SYNE1: variants seen among roughly 807,000 people sequenced by gnomAD.
SYNE1 encodes nesprin-1.
In SYNE1, 616 loss-of-function variants were observed where a neutral mutation model predicts 1,111.0. The ratio of observed to expected loss-of-function variants is 0.55; its 90% CI spans 0.52 to 0.59. The LOEUF (loss-of-function observed/expected upper bound fraction) is 0.59. Among genes scored for constraint, SYNE1 ranks in the 20% least tolerant of loss-of-function variants. SYNE1 has a pLI of 0.00. For missense variants in SYNE1, 10,006 were observed against 10,417.0 expected (o/e 0.96, Z 1.72); for synonymous variants, 3,855 against 3,825.8 (o/e 1.01, Z -0.28).
At position 152,412,322 on chromosome 6, in the gene SYNE1, G is replaced by A. The variant is rs562407145; in HGVS notation, c.6230+1030C>T. Among the ~76,000 whole-genome samples the A allele has an allele frequency of 5.3e-5, 8 of 152,106 alleles. 1 individual carries two copies. In the South Asian group the frequency reaches 1.7e-3, roughly 32 times the overall value. ...ACCTGCTATCCCAGCTACTCGGGAG[G>A]CTGAGGCAGGAGAATGGCGTGAACC... On this transcript the variant is annotated intron_variant, in intron 42 of 145. Coordinates refer to ENST00000367255, the MANE Select transcript of SYNE1 (RefSeq NM_182961.4).
At chr6:152,588,317 A>G (rs2099547005) in intron 3 of SYNE1, among the ~76,000 whole-genome samples, 1 of 152,244 alleles carries the variant, frequency 6.6e-6, no homozygotes, top group Non-Finnish European at 1.5e-5. Flanking sequence ...TATCTTATAT[A>G]ATCTGTGCCT....
At position 152,391,295 on chromosome 6, in the gene SYNE1, T is replaced by C; in HGVS notation, c.7986A>G (p.Lys2662=). The change falls in exon 52 of 146, where the codon AAA becomes AAG. Residue 2662 remains lysine (K), a synonymous_variant. Transcript: ENST00000367255. ...STLGSKDTLE[K]RLSQIQDILL... ...CATGTACCTGTATTTGTGACAGCCG[T>C]TTCTCCAGGGTGTCTTTGCTCCCAA... 3 of 1,613,986 alleles carry C rather than the reference T, an allele frequency of 1.9e-6. No homozygotes were observed. Among genetic ancestry groups the C allele is most frequent in the Non-Finnish European group, 1.7e-6 (2 of 1,179,966 alleles).
At position 152,637,334 on chromosome 6, in the gene SYNE1, T is replaced by A. The variant is rs1304484798; in HGVS notation, c.-537A>T. The stretch of plus-strand genomic sequence containing the variant: ...TCCCTGAGAGCCGGGACGCGCTGCC[T>A]CCGCTGCCTGGAGGAGCTGCGCTGT... On this transcript the variant is annotated 5_prime_UTR_variant, in exon 1 of 146. Transcript: ENST00000367255. The A allele has an allele frequency of 6.6e-6, 1 of 152,324 alleles. No individual in the cohort carries two copies. Among genetic ancestry groups the A allele is most frequent in the Non-Finnish European group, 1.5e-5 (1 of 68,108 alleles). The allele number at this position is 152,324 out of a possible 1,614,324, so 9.4% of individuals were successfully genotyped here. A position where few individuals can be genotyped will look rare whatever the true frequency, so the allele number is the denominator to read the frequency against.
chr6:152,262,078 T>A lies in SYNE1; in HGVS notation c.18926A>T (p.Lys6309Met), dbSNP rs1057291426. The A allele has an allele frequency of 6.2e-7, 1 of 1,613,940 alleles. No homozygotes were observed. The highest frequency in any genetic ancestry group is 8.5e-7 in the Non-Finnish European group (1 of 1,179,970). The change falls in exon 101 of 146, where the codon AAG (lysine) becomes ATG (methionine). Residue 6309 changes from lysine (K) to methionine (M), a missense_variant. By Grantham distance (95) the Lys-to-Met change is moderately conservative (BLOSUM62 -1). Transcript: ENST00000367255. Reference protein sequence around the residue: ...WESLHQEFSTKQKLLQNVLEQ... With the variant: ...WESLHQEFSTMQKLLQNVLEQ... Reference sequence around the variant, plus strand: ...CAGAACATTCTGTAGTAGTTTCTGCTTGGTACTAAATTCTTGATGTAGGCT... The same window carrying A: ...CAGAACATTCTGTAGTAGTTTCTGCATGGTACTAAATTCTTGATGTAGGCT...
intron 3 of SYNE1, among the ~76,000 whole-genome samples, chr6:152,607,090 T>TTCTCCTGCCTCAGCCCC (rs1450895892): frequency 6.8e-6 from 1 of 147,146 alleles, no homozygotes; most frequent in African/African-American, 2.5e-5. Flanking sequence ...GTTCACGCCA[T>TTCTCCTGCCTCAGCCCC]TCTCCTGCCT....
At chr6:152,399,512 C>G in intron 48 of SYNE1, 104 bp downstream of exon 48, 1 of 1,354,742 alleles carries the variant, frequency 7.4e-7, no homozygotes, top group South Asian at 1.2e-5. Flanking sequence ...GAAATGACAC[C>G]CTGGAAAGTT....
chr6:152,464,739 C>T (rs141830385), intron 18 of SYNE1: 346 of 163,988 alleles, frequency 2.1e-3, no homozygotes, highest in African/African-American at 8.0e-3. Context: ...AAAACAGTAA[C>T]TCTCACAGGC....
At chr6:152,279,175 G>T (rs140786060) in intron 97 of SYNE1, among the ~76,000 whole-genome samples, 4 of 131,622 alleles carry the variant, frequency 3.0e-5, no homozygotes, top group East Asian at 4.3e-4. Context: ...TTGAGACAAG[G>T]TCTCCTCTAA....
At position 152,196,598 on chromosome 6, in the gene SYNE1, G is replaced by A. The variant is rs531603639; in HGVS notation, c.23145+5226C>T. Among the ~76,000 whole-genome samples, 5 of 152,094 alleles carry A rather than the reference G, an allele frequency of 3.3e-5. No individual in the cohort carries two copies. In the South Asian group the frequency reaches 8.3e-4, roughly 25 times the overall value. On this transcript the variant is annotated intron_variant, in intron 127 of 145. Coordinates refer to ENST00000367255, the MANE Select transcript of SYNE1 (RefSeq NM_182961.4). ...CTGGAAACTAGGGCATGGAATGAAG[G>A]CTTCATGACTGTGCCCAGTACCCTA...
At chr6:152,471,555 C>T (rs762518841) in intron 16 of SYNE1, 42 bp downstream of exon 16, 2 of 1,595,314 alleles carry the variant, frequency 1.3e-6, no homozygotes, top group Non-Finnish European at 1.7e-6. Flanking sequence ...TTGCTAAATC[C>T]ATGGCTCATA....
rs774895463 is a variant in SYNE1, at chr6:152,369,093, T to C, written c.9686A>G (p.Gln3229Arg). The change falls in exon 61 of 146, where the codon CAG becomes CGG. Residue 3229 changes from glutamine to arginine, a missense_variant. By Grantham distance (43) the Gln-to-Arg change is conservative (BLOSUM62 1). Coordinates refer to ENST00000367255, the MANE Select transcript of SYNE1 (RefSeq NM_182961.4). ...AGCTTTCTCTTTCAGCCTGTTGAGC[T>C]GAGGCTCGTAGCAGTGTATTTCCTC... The part of the protein sequence containing the change: ...VLEEIHCYEP[Q>R]LNRLKEKAQQ... 2.2e-5 allele frequency: 35 copies of C among 1,613,912 alleles called. No individual in the cohort carries two copies. The highest frequency in any genetic ancestry group is 2.9e-5 in the Non-Finnish European group (34 of 1,180,048).
Position 152,279,442 on chromosome 6 carries a change from G to A in SYNE1, c.18382-1162C>T, listed in dbSNP as rs190864546. Among the ~76,000 whole-genome samples, 4 of 151,932 alleles carry A rather than the reference G, an allele frequency of 2.6e-5. No individual in the cohort carries two copies. The East Asian group carries it at 7.7e-4, about 29-fold the overall frequency. On this transcript the variant is annotated intron_variant, in intron 97 of 145. Coordinates refer to ENST00000367255, the MANE Select transcript of SYNE1 (RefSeq NM_182961.4). The stretch of plus-strand genomic sequence containing the variant: ...TTAAGAATATAAAGTCAGGCTGGGT[G>A]TGGTGGCTCTCACCTGTAATCCCAG...
chr6:152,143,695 T>C lies in SYNE1; in HGVS notation c.25047A>G (p.Ile8349Met). The change falls in exon 138 of 146, where the codon ATA becomes ATG. Residue 8349 changes from isoleucine to methionine, a missense_variant. Coordinates refer to ENST00000367255, the MANE Select transcript of SYNE1 (RefSeq NM_182961.4). ...GKALDDSRFQIQQTENIIRSK... is the reference protein window; with the variant it reads ...GKALDDSRFQMQQTENIIRSK... ...TGCGAATGATATTTTCGGTTTGCTG[T>C]ATCTGAAAACGGCTATCATCCAGGG... 1 of 1,614,242 alleles carries C rather than the reference T, an allele frequency of 6.2e-7. No homozygotes were observed. Among genetic ancestry groups the C allele is most frequent in the Non-Finnish European group, 8.5e-7 (1 of 1,180,038 alleles).
chr6:152,627,983 C>G lies in SYNE1; in HGVS notation c.67+282G>C, dbSNP rs537948738. ...AGCAGCAGTACATTTGACAATAACT[C>G]TTAATTCCCAACTGGACAATGAATA... On this transcript the variant is annotated intron_variant, in intron 3 of 145. Coordinates refer to ENST00000367255, the MANE Select transcript of SYNE1 (RefSeq NM_182961.4). 1.0e-4 allele frequency among the ~76,000 whole-genome samples: 15 copies of G among 145,224 alleles called. No homozygotes were observed. In the South Asian group the frequency reaches 1.5e-3, roughly 15 times the overall value.
chr6:152,524,913 G>A (rs1420488405), intron 5 of SYNE1, among the ~76,000 whole-genome samples: 1 of 152,148 alleles, frequency 6.6e-6, no homozygotes. Flanking sequence ...TCCATTGGTT[G>A]AGGGTCCCTT....
chr6:152,347,579 GGCATAAT>G (rs2096659572), intron 72 of SYNE1, among the ~76,000 whole-genome samples: 1 of 151,652 alleles, frequency 6.6e-6, no homozygotes, highest in Non-Finnish European at 1.5e-5. Context: ...TTATAATTCT[GGCATAAT>G]TTTTATCTAA....
At position 152,212,687 on chromosome 6, in the gene SYNE1, C is replaced by T. The variant is rs544468760; in HGVS notation, c.22494+925G>A. Among the ~76,000 whole-genome samples, 6 of 152,198 alleles carry T rather than the reference C, an allele frequency of 3.9e-5. No homozygotes were observed. In the East Asian group the frequency reaches 1.2e-3, roughly 29 times the overall value. On this transcript the variant is annotated intron_variant, in intron 123 of 145. Coordinates refer to ENST00000367255, the MANE Select transcript of SYNE1 (RefSeq NM_182961.4). ...GGTTATATGATTACTCTACGTAACT[C>T]TATATGGTAACTCTATGTTAACTGT...
At chr6:152,125,343 G>C (rs1466667412) in intron 145 of SYNE1, 1 of 1,550,222 alleles carries the variant, frequency 6.5e-7, no homozygotes. Flanking sequence ...GTTTCCTCGT[G>C]TCTAAAGCCT....
intron 92 of SYNE1, 30 bp from the exon 93 acceptor site, chr6:152,300,811 T>A (rs1439923603): frequency 1.9e-6 from 3 of 1,614,144 alleles, no homozygotes; most frequent in South Asian, 2.2e-5. Context: ...CCAAAGGACA[T>A]GAAAATCAAT....
Sources: allele counts gnomAD v4.1 joint callset (sites outside exome capture counted in the v4.1 genomes callset), GRCh38; gene constraint gnomAD v4.1.1; transcripts MANE v1.5; gene names NCBI Gene and HGNC (gene_info 2026-07-23, HGNC 2026-07-21).